The following KHDRBS2 variants were observed in gnomAD, a reference collection of about 807,000 sequenced individuals.
KHDRBS2 encodes KH RNA binding domain containing, signal transduction associated 2, also known as KH domain-containing, RNA-binding, signal transduction-associated protein 2.
In KHDRBS2, 26 loss-of-function variants were observed where a neutral mutation model predicts 44.3. That is an observed-to-expected ratio of 0.59 (90% confidence interval 0.43 to 0.81). The LOEUF (loss-of-function observed/expected upper bound fraction) is 0.81, where lower values mean the gene tolerates loss of function less well. Among genes scored for constraint, KHDRBS2 ranks in the 40% least tolerant of loss-of-function variants. The pLI, the probability that KHDRBS2 is intolerant of heterozygous loss-of-function variation, is 0.00. For synonymous variants in KHDRBS2, 194 were observed against 151.1 expected, an observed-to-expected ratio of 1.28 and a Z score of -2.08; for missense variants, 476 against 433.1, an observed-to-expected ratio of 1.10 and a Z score of -0.88.
At chr6:62,012,518 C>T (rs1202390868) in intron 3 of KHDRBS2, among the ~76,000 whole-genome samples, 4 of 152,156 alleles carry the variant, frequency 2.6e-5, no homozygotes, top group East Asian at 1.9e-4. Context: ...CTGGCTTAAA[C>T]GGCCTATTTT....
At chr6:61,967,053 T>TCA (rs1770128331) in intron 4 of KHDRBS2, among the ~76,000 whole-genome samples, 1 of 151,808 alleles carries the variant, frequency 6.6e-6, no homozygotes, top group African/African-American at 2.4e-5. Flanking sequence ...GAGATAAATT[T>TCA]AAAAAAATAG....
chr6:62,064,044 A>G (rs1325688769), intron 2 of KHDRBS2, among the ~76,000 whole-genome samples: 1 of 143,004 alleles, frequency 7.0e-6, no homozygotes, highest in East Asian at 2.1e-4. Flanking sequence ...CTTCAAAGAG[A>G]ATAAAATACC....
intron 2 of KHDRBS2, among the ~76,000 whole-genome samples, chr6:62,058,336 C>T (rs1389884729): frequency 6.6e-6 from 1 of 151,866 alleles, no homozygotes; most frequent in African/African-American, 2.4e-5. Context: ...TTCGTTGATA[C>T]TCAAATTCCT....
chr6:62,134,348 G>A (rs1016001681), intron 2 of KHDRBS2, among the ~76,000 whole-genome samples: 4 of 152,182 alleles, frequency 2.6e-5, no homozygotes, highest in Non-Finnish European at 5.9e-5. Flanking sequence ...TAGGTGCACA[G>A]AAGTCAAGAA....
chr6:61,880,822 T>C (rs1931813), intron 6 of KHDRBS2, among the ~76,000 whole-genome samples: 129,739 of 151,892 alleles, frequency 0.85, 56,019 homozygotes, highest in African/African-American at 0.97. Flanking sequence ...TGACAGAATA[T>C]ATGCAGGAAA....
the KHDRBS2 span, among the ~76,000 whole-genome samples, chr6:61,573,263 GA>G: frequency 6.6e-6 from 1 of 152,058 alleles, no homozygotes; most frequent in Admixed American, 6.6e-5. Flanking sequence ...CTTAACTAAG[GA>G]AGTAAAAGAT....
At chr6:62,251,919 C>T (rs550589002) in intron 1 of KHDRBS2, among the ~76,000 whole-genome samples, 97 of 151,746 alleles carry the variant, frequency 6.4e-4, no homozygotes, top group African/African-American at 2.2e-3. Flanking sequence ...TAATAAAAAT[C>T]CTACTAAATG....
chr6:61,811,234 T>A (rs1364835409), intron 6 of KHDRBS2, among the ~76,000 whole-genome samples: 1 of 152,170 alleles, frequency 6.6e-6, no homozygotes, highest in Non-Finnish European at 1.5e-5. Context: ...TGCATTAATT[T>A]GCTTAGGATA....
chr6:61,689,685 T>C (rs1767185619), intron 8 of KHDRBS2, among the ~76,000 whole-genome samples: 1 of 151,984 alleles, frequency 6.6e-6, no homozygotes, highest in African/African-American at 2.4e-5. Context: ...TCTACTGGGA[T>C]CTTCCTGGAC....
chr6:61,956,410 AT>A (rs1168122701), intron 4 of KHDRBS2, among the ~76,000 whole-genome samples: 3 of 152,044 alleles, frequency 2.0e-5, no homozygotes, highest in East Asian at 1.9e-4. Flanking sequence ...AAGACAAAAC[AT>A]TTTTTTCTCT....
chr6:62,126,466 C>A (rs1255946548), intron 2 of KHDRBS2, among the ~76,000 whole-genome samples: 6 of 152,124 alleles, frequency 3.9e-5, no homozygotes, highest in Non-Finnish European at 7.4e-5. Context: ...GATTGTAGAA[C>A]CCTAGGGTCT....
intron 7 of KHDRBS2, among the ~76,000 whole-genome samples, chr6:61,727,893 T>A (rs916031284): frequency 6.6e-6 from 1 of 152,072 alleles, no homozygotes; most frequent in Admixed American, 6.6e-5. Context: ...GAAGCAGAAA[T>A]ACCCTTTGAC....
chr6:61,601,900 A>G, the KHDRBS2 span, among the ~76,000 whole-genome samples: 1 of 152,146 alleles, frequency 6.6e-6, no homozygotes, highest in South Asian at 2.1e-4. Context: ...CCCTCTTAAA[A>G]AGGTGGCTGG....
At position 62,002,558 on chromosome 6, in the gene KHDRBS2, T is replaced by C. The variant is rs189295323; in HGVS notation, c.337-24346A>G. On this transcript the variant is annotated intron_variant, in intron 3 of 8. Transcript: ENST00000281156. Reference sequence around the variant, plus strand: ...AAATAACAGCATTTAACCTTTTAAATACTATATTACTCTTTTTAAAAATAA... The same window carrying C: ...AAATAACAGCATTTAACCTTTTAAACACTATATTACTCTTTTTAAAAATAA... Among the ~76,000 whole-genome samples, 7 of 151,440 alleles carry C rather than the reference T, an allele frequency of 4.6e-5. No homozygotes were observed. The East Asian group carries it at 1.4e-3, about 30-fold the overall frequency.
At chr6:62,146,211 T>C (rs571281718) in intron 2 of KHDRBS2, among the ~76,000 whole-genome samples, 2 of 151,860 alleles carry the variant, frequency 1.3e-5, no homozygotes. Context: ...GTATCATTGA[T>C]TATTGTAAAT....
chr6:61,956,352 T>A (rs769457993), intron 4 of KHDRBS2, among the ~76,000 whole-genome samples: 2 of 152,182 alleles, frequency 1.3e-5, no homozygotes, highest in African/African-American at 4.8e-5. Context: ...TTAAAAGACA[T>A]CATAGGGGGT....
chr6:61,901,406 G>T, intron 4 of KHDRBS2, 35 bp from the exon 5 acceptor site: 2 of 1,555,818 alleles, frequency 1.3e-6, no homozygotes, highest in South Asian at 1.2e-5. Flanking sequence ...AGTTAAAAAT[G>T]GGACATGCCG....
chr6:62,181,468 G>A (rs1181934009), intron 1 of KHDRBS2, among the ~76,000 whole-genome samples: 1 of 151,868 alleles, frequency 6.6e-6, no homozygotes, highest in Non-Finnish European at 1.5e-5. Context: ...AATCGTCAGA[G>A]AAATGCAAAT....
At chr6:62,200,332 C>T (rs1489509300) in intron 1 of KHDRBS2, among the ~76,000 whole-genome samples, 1 of 152,134 alleles carries the variant, frequency 6.6e-6, no homozygotes, top group Admixed American at 6.6e-5. Context: ...CTGCAATCTA[C>T]TCATCTGACA....
Sources: allele counts gnomAD v4.1 joint callset (sites outside exome capture counted in the v4.1 genomes callset), GRCh38; gene constraint gnomAD v4.1.1; transcripts MANE v1.5; gene names NCBI Gene and HGNC (gene_info 2026-07-23, HGNC 2026-07-21).